PALM2AKAP2: variants seen among roughly 807,000 people sequenced by gnomAD.
The protein encoded by PALM2AKAP2 is PALM2-AKAP2 fusion protein.
In PALM2AKAP2, 37 loss-of-function variants were observed where a neutral mutation model predicts 71.5. That is an observed-to-expected ratio of 0.52 (90% confidence interval 0.40 to 0.68). PALM2AKAP2 has a LOEUF of 0.68. Among genes scored for constraint, PALM2AKAP2 ranks in the 30% least tolerant of loss-of-function variants. PALM2AKAP2 has a pLI of 0.00. For missense variants in PALM2AKAP2, 1,224 were observed against 1,191.8 expected, an observed-to-expected ratio of 1.03 and a Z score of -0.40; for synonymous variants, 468 against 478.8, an observed-to-expected ratio of 0.98 and a Z score of 0.29.
rs1828051130 is a variant in PALM2AKAP2 at position 109,822,982 on chromosome 9, C to T, written c.45+42449C>T. 3.3e-5 allele frequency among the ~76,000 whole-genome samples: 5 copies of T among 152,212 alleles called. No homozygotes were observed. The South Asian group carries it at 1.0e-3, about 32-fold the overall frequency. On this transcript the variant is annotated intron_variant, in intron 1 of 9. Coordinates refer to the PALM2AKAP2 transcript ENST00000302798. ...GTCCGCCTCTGTATTTCTTCCTCCA[C>T]CTAGCTTCCTCTGCTTTCTGGTCCA...
At chr9:109,823,409 A>G (rs1044111172) in intron 1 of PALM2AKAP2, among the ~76,000 whole-genome samples, 2 of 152,196 alleles carry the variant, frequency 1.3e-5, no homozygotes, top group African/African-American at 4.8e-5. Flanking sequence ...CTTCACCATT[A>G]AACAACTCTA....
chr9:110,122,783 C>T (rs563784975), intron 1 of PALM2AKAP2, among the ~76,000 whole-genome samples: 3 of 152,304 alleles, frequency 2.0e-5, no homozygotes, highest in African/African-American at 2.4e-5. Context: ...CTAACGAAAT[C>T]AGGTTACGGC....
Position 109,836,355 on chromosome 9 carries a change from C to T in PALM2AKAP2, c.46-31136C>T, listed in dbSNP as rs142199945. Among the ~76,000 whole-genome samples, 11 of 152,302 alleles carry T rather than the reference C, an allele frequency of 7.2e-5. No individual in the cohort carries two copies. In the East Asian group the frequency reaches 9.6e-4, roughly 13 times the overall value. On this transcript the variant is annotated intron_variant, in intron 1 of 9. Coordinates refer to the PALM2AKAP2 transcript ENST00000302798. ...AAGGAAAACTAACAAACAGAAAGGA[C>T]ATCGACACCAAAACCACATCTGTAC...
At chr9:109,901,137 C>T (rs1215260758) in intron 3 of PALM2AKAP2, among the ~76,000 whole-genome samples, 1 of 152,162 alleles carries the variant, frequency 6.6e-6, no homozygotes, top group Non-Finnish European at 1.5e-5. Flanking sequence ...CTTTCAGCCT[C>T]AAGTAGTATC....
intron 1 of PALM2AKAP2, among the ~76,000 whole-genome samples, chr9:109,745,884 T>C (rs189715816): frequency 1.1e-3 from 160 of 152,288 alleles, no homozygotes; most frequent in African/African-American, 3.6e-3. Context: ...ATGTTATGAC[T>C]CCATCCAAAA....
intron 3 of PALM2AKAP2, among the ~76,000 whole-genome samples, chr9:109,887,238 A>G (rs1407597004): frequency 1.3e-5 from 2 of 152,250 alleles, no homozygotes; most frequent in African/African-American, 4.8e-5. Flanking sequence ...AGAAAAGGCA[A>G]CCACTGAAAC....
intron 7 of PALM2AKAP2, among the ~76,000 whole-genome samples, chr9:110,039,509 G>A (rs987284853): frequency 1.3e-5 from 2 of 152,130 alleles, no homozygotes; most frequent in African/African-American, 4.8e-5. Context: ...TAAGTGACAG[G>A]TCAGGATTCC....
At chr9:109,867,198 G>GTC (rs1554721941) in intron 1 of PALM2AKAP2, 74 of 389,688 alleles carry the variant, frequency 1.9e-4, no homozygotes, top group African/African-American at 1.4e-3. Context: ...GTGTGTGTGT[G>GTC]TGTGTGTCTG....
chr9:109,731,714 C>T (rs796179374), intron 1 of PALM2AKAP2, among the ~76,000 whole-genome samples: 11 of 152,064 alleles, frequency 7.2e-5, no homozygotes, highest in African/African-American at 2.7e-4. Context: ...AAATGCTGAA[C>T]ATTGTGAAAA....
intron 1 of PALM2AKAP2, among the ~76,000 whole-genome samples, chr9:109,656,013 G>A (rs16914315): frequency 0.26 from 39,304 of 152,052 alleles, 5,346 homozygotes; most frequent in Middle Eastern, 0.35. Context: ...GGCTATTGAG[G>A]AAATGGACAG....
intron 1 of PALM2AKAP2, among the ~76,000 whole-genome samples, chr9:110,089,411 T>C (rs1308626519): frequency 2.0e-5 from 3 of 152,178 alleles, no homozygotes; most frequent in East Asian, 1.9e-4. Context: ...CAGCAAGTCC[T>C]GAGATGGAGA....
intron 1 of PALM2AKAP2, among the ~76,000 whole-genome samples, chr9:109,819,528 T>C (rs1827935134): frequency 6.6e-6 from 1 of 152,220 alleles, no homozygotes; most frequent in African/African-American, 2.4e-5. Context: ...TGTCCATTTA[T>C]GTCTTTTACC....
At chr9:109,951,771 G>A (rs555355381) in intron 6 of PALM2AKAP2, among the ~76,000 whole-genome samples, 1 of 152,296 alleles carries the variant, frequency 6.6e-6, no homozygotes, top group South Asian at 2.1e-4. Context: ...CGGTTTGGGT[G>A]CCCCTTGGTG....
rs541032644 is a variant in PALM2AKAP2 at position 109,825,157 on chromosome 9, T to C, written c.46-42334T>C. On this transcript the variant is annotated intron_variant, in intron 1 of 9. Transcript: ENST00000302798. ...AAGTACAGTTTTGTCTGGCTAGCCA[T>C]ATGTAGAAAGCTGAAACTGGATCCC... Among the ~76,000 whole-genome samples, 12 of 152,354 alleles carry C rather than the reference T, an allele frequency of 7.9e-5. No homozygotes were observed. In the South Asian group the frequency reaches 2.5e-3, roughly 32 times the overall value.
intron 1 of PALM2AKAP2, among the ~76,000 whole-genome samples, chr9:109,685,875 A>ATT (rs200933076): frequency 1.3e-5 from 2 of 151,390 alleles, no homozygotes; most frequent in African/African-American, 4.9e-5. Context: ...ACACATAGTA[A>ATT]TTTTTTTTTC....
upstream of PALM2AKAP2, among the ~76,000 whole-genome samples, chr9:109,775,269 T>C (rs908783092): frequency 6.6e-6 from 1 of 152,250 alleles, no homozygotes; most frequent in African/African-American, 2.4e-5. Context: ...GATATTCATT[T>C]CTAGCCAGAT....
At chr9:109,944,092 C>G (rs946198391) in intron 6 of PALM2AKAP2, 1 of 152,596 alleles carries the variant, frequency 6.6e-6, no homozygotes, top group African/African-American at 2.4e-5. Context: ...GATTCCATAA[C>G]CTGCCCATCA....
chr9:109,930,524 C>T (rs539803263), intron 5 of PALM2AKAP2, among the ~76,000 whole-genome samples: 6 of 152,284 alleles, frequency 3.9e-5, no homozygotes, highest in South Asian at 2.1e-4. Context: ...CCGCGCCCGG[C>T]GAAAAATCTG....
intron 3 of PALM2AKAP2, among the ~76,000 whole-genome samples, chr9:109,899,158 A>C (rs188262176): frequency 1.9e-4 from 29 of 151,878 alleles, no homozygotes; most frequent in Admixed American, 1.5e-3. Context: ...ATCCCCCCAG[A>C]CACCTATAAC....
Sources: allele counts gnomAD v4.1 joint callset (sites outside exome capture counted in the v4.1 genomes callset), GRCh38; gene constraint gnomAD v4.1.1; transcripts MANE v1.5; gene names NCBI Gene and HGNC (gene_info 2026-07-23, HGNC 2026-07-21).